Variants in SPRED2 observed in about 807,000 individuals in gnomAD.
SPRED2 encodes sprouty related EVH1 domain containing 2, also known as sprouty-related, EVH1 domain-containing protein 2.
A neutral mutation model predicts 43.0 loss-of-function variants in SPRED2; 47 were observed. The observed-to-expected ratio is 1.09, with a 90% CI of 0.87 to 1.40. The LOEUF (loss-of-function observed/expected upper bound fraction) is 1.40. Ranked by LOEUF, SPRED2 falls within the 40% of genes most tolerant of loss-of-function variation. The pLI is 0.00. For missense variants in SPRED2, 561 were observed against 586.4 expected (o/e 0.96, Z 0.45); for synonymous variants, 225 against 225.7 (o/e 1.00, Z 0.03).
intron 1 of SPRED2, among the ~76,000 whole-genome samples, chr2:65,379,047 G>A (rs774914660): frequency 2.6e-5 from 4 of 152,142 alleles, no homozygotes; most frequent in Non-Finnish European, 4.4e-5. Flanking sequence ...CTGGGGTCCA[G>A]GCTGAGCATC....
intron 4 of SPRED2, among the ~76,000 whole-genome samples, chr2:65,331,558 C>A (rs142085814): frequency 6.6e-6 from 1 of 152,188 alleles, no homozygotes; most frequent in African/African-American, 2.4e-5. Context: ...GGCTTTCCCC[C>A]CTGATGCCAG....
intron 1 of SPRED2, among the ~76,000 whole-genome samples, chr2:65,359,822 T>C (rs1353626006): frequency 1.3e-5 from 2 of 151,858 alleles, no homozygotes; most frequent in South Asian, 2.1e-4. Flanking sequence ...CCCAGCACTT[T>C]GGGAGGCCAA....
At chr2:65,324,134 T>G (rs1056053954) in intron 4 of SPRED2, among the ~76,000 whole-genome samples, 5 of 150,792 alleles carry the variant, frequency 3.3e-5, no homozygotes, top group African/African-American at 1.2e-4. Context: ...GGGGCTCAAG[T>G]TTATCAGTGA....
intron 1 of SPRED2, among the ~76,000 whole-genome samples, chr2:65,407,125 C>A (rs1676043059): frequency 6.6e-6 from 1 of 151,860 alleles, no homozygotes; most frequent in African/African-American, 2.4e-5. Flanking sequence ...GATGGGGTTT[C>A]ACCATGTTAG....
At chr2:65,345,721 T>A (rs1674332749) in intron 1 of SPRED2, among the ~76,000 whole-genome samples, 1 of 152,218 alleles carries the variant, frequency 6.6e-6, no homozygotes, top group Non-Finnish European at 1.5e-5. Context: ...CGTATCTAGG[T>A]AGGAAAATAT....
At chr2:65,366,503 T>TA (rs1463374577) in intron 1 of SPRED2, 4 of 1,419,314 alleles carry the variant, frequency 2.8e-6, no homozygotes, top group African/African-American at 2.9e-5. Context: ...TTTTCTCCTT[T>TA]AAAAAAATGC....
At chr2:65,331,298 C>T (rs1007553795) in intron 4 of SPRED2, among the ~76,000 whole-genome samples, 2 of 152,144 alleles carry the variant, frequency 1.3e-5, no homozygotes, top group Admixed American at 6.5e-5. Context: ...TGCTGTCCCG[C>T]GTAACTTGCT....
chr2:65,326,657 AAACCAACC>A (rs535525985), intron 4 of SPRED2, among the ~76,000 whole-genome samples: 17 of 152,122 alleles, frequency 1.1e-4, no homozygotes, highest in African/African-American at 3.9e-4. Context: ...ACAACAACAA[AAACCAACC>A]AACCAACCAA....
intron 1 of SPRED2, among the ~76,000 whole-genome samples, chr2:65,419,523 C>A (rs1481409302): frequency 1.3e-5 from 2 of 152,030 alleles, no homozygotes; most frequent in African/African-American, 2.4e-5. Flanking sequence ...TTTCCAAGCA[C>A]AAGGACTCAA....
chr2:65,393,063 T>C (rs185120304), intron 1 of SPRED2, among the ~76,000 whole-genome samples: 1 of 152,336 alleles, frequency 6.6e-6, no homozygotes, highest in Admixed American at 6.5e-5. Flanking sequence ...AACTAGCTAT[T>C]TTTCTTACAA....
chr2:65,426,092 G>T (rs1022088437), intron 1 of SPRED2, among the ~76,000 whole-genome samples: 7 of 152,230 alleles, frequency 4.6e-5, no homozygotes, highest in African/African-American at 1.7e-4. Flanking sequence ...GATTTCTGCA[G>T]AGATTCTCCT....
chr2:65,386,832 G>A (rs763030292), intron 1 of SPRED2, among the ~76,000 whole-genome samples: 10 of 152,102 alleles, frequency 6.6e-5, no homozygotes, highest in African/African-American at 9.7e-5. Context: ...AAACCTGCAC[G>A]TTGTGCACAT....
intron 1 of SPRED2, among the ~76,000 whole-genome samples, chr2:65,348,516 T>C (rs1674415748): frequency 6.6e-6 from 1 of 152,008 alleles, no homozygotes; most frequent in Admixed American, 6.6e-5. Flanking sequence ...AAATTATCTA[T>C]AGCAGGCTGG....
chr2:65,372,481 C>A (rs1266210835), intron 1 of SPRED2, among the ~76,000 whole-genome samples: 8 of 152,152 alleles, frequency 5.3e-5, no homozygotes, highest in Admixed American at 5.2e-4. Context: ...GATTATGTGG[C>A]TGATGGGAGG....
intron 1 of SPRED2, among the ~76,000 whole-genome samples, chr2:65,400,673 T>C (rs1675865102): frequency 6.6e-6 from 1 of 152,160 alleles, no homozygotes; most frequent in Non-Finnish European, 1.5e-5. Context: ...CCCTATTTCC[T>C]AGATTCTTTG....
At chr2:65,380,334 C>G (rs1287517227) in intron 1 of SPRED2, among the ~76,000 whole-genome samples, 1 of 152,142 alleles carries the variant, frequency 6.6e-6, no homozygotes, top group Non-Finnish European at 1.5e-5. Context: ...AGATCTTAGT[C>G]AAGGCTGCGT....
intron 1 of SPRED2, among the ~76,000 whole-genome samples, chr2:65,398,769 G>A (rs1403891702): frequency 2.0e-5 from 3 of 152,162 alleles, no homozygotes; most frequent in Admixed American, 6.5e-5. Context: ...CACTGTTGGT[G>A]GGAATGTAAA....
intron 1 of SPRED2, among the ~76,000 whole-genome samples, chr2:65,410,619 C>T (rs1394639911): frequency 4.6e-5 from 7 of 151,842 alleles, no homozygotes; most frequent in East Asian, 1.9e-4. Flanking sequence ...ATTAGCCGGG[C>T]GTGGTGGTGG....
chr2:65,353,123 G>A (rs977036887), intron 1 of SPRED2, among the ~76,000 whole-genome samples: 1 of 152,124 alleles, frequency 6.6e-6, no homozygotes, highest in Admixed American at 6.5e-5. Context: ...CTAAAAGCCA[G>A]GGGTCCTGCT....
Sources: gnomAD v4.1 joint callset for allele counts (sites outside exome capture counted in the v4.1 genomes callset) on GRCh38, gnomAD v4.1.1 for gene constraint, MANE v1.5 for transcripts, NCBI Gene and HGNC (gene_info 2026-07-23, HGNC 2026-07-21) for gene names.